VSIG4: variants seen among roughly 807,000 people sequenced by gnomAD.
VSIG4 encodes V-set and immunoglobulin domain containing 4.
A neutral mutation model predicts 23.4 loss-of-function variants in VSIG4; 34 were observed. The observed-to-expected ratio is 1.45, with a 90% CI of 1.10 to 1.93. The LOEUF (loss-of-function observed/expected upper bound fraction) is 1.93. VSIG4 is among the 30% of genes most tolerant of loss of function. The probability of loss-of-function intolerance (pLI) is 0.00; values close to 1 mark genes in which losing one functional copy is unlikely to be tolerated. For missense variants in VSIG4, 433 were observed against 310.8 expected, an observed-to-expected ratio of 1.39 and a Z score of -2.96; for synonymous variants, 169 against 120.3, an observed-to-expected ratio of 1.41 and a Z score of -2.65.
Position 66,033,929 on chromosome X carries a change from C to G in VSIG4, c.56-99G>C, listed in dbSNP as rs190951322. ...AACCTCAAAAGGTTTCTGAGAAATG[C>G]CACTCAACTTTCTTTCTATCACACT... is the stretch of plus-strand genomic sequence containing the variant. On this transcript the variant is annotated intron_variant, in intron 1 of 7. Coordinates refer to ENST00000374737, the MANE Select transcript of VSIG4 (RefSeq NM_007268.3). 6.1e-6 allele frequency: 4 copies of G among 659,363 alleles called. No homozygotes were observed. In the African/African-American group the frequency reaches 6.6e-5, roughly 11 times the overall value. The allele number at this position is 659,363 out of a possible 1,213,427, so 54.3% of individuals were successfully genotyped here. A position where few individuals can be genotyped will look rare whatever the true frequency, so the allele number is the denominator to read the frequency against.
intron 1 of VSIG4, among the ~76,000 whole-genome samples, chrX:66,035,974 C>A (rs1458358216): frequency 8.9e-6 from 1 of 111,969 alleles, no homozygotes; most frequent in Admixed American, 9.5e-5. Context: ...TCACAAAGCT[C>A]AGTCTGGCCT....
chrX:66,039,982 C>T lies in VSIG4; in HGVS notation c.17G>A (p.Gly6Asp), dbSNP rs1190607043. Residue 6 changes from glycine (G) to aspartate (D), a missense_variant, in exon 1 of 8, where the codon GGC (glycine) becomes GAC (aspartate). Transcript: ENST00000374737. ...TGTTAGGTGCCCCAGGAGTAGCAGG[C>T]CCAGTAAGATCCCCATCACAGCCAG... MGILL[G>D]LLLLGHLTVD... The T allele has an allele frequency of 8.3e-7, 1 of 1,211,797 alleles. No individual in the cohort carries two copies.
At chrX:66,033,401 C>T (rs181254982) in intron 2 of VSIG4, 73 bp downstream of exon 2, 1 of 1,001,406 alleles carries the variant, frequency 1.0e-6, no homozygotes, top group East Asian at 3.1e-5. Flanking sequence ...CTGGATTTTT[C>T]AGGCTTTTCT....
In VSIG4 at chrX:66,028,080, C is replaced by T. The variant is rs369934439; in HGVS notation, c.727G>A (p.Ala243Thr). The T allele has an allele frequency of 8.3e-7, 1 of 1,210,844 alleles. No individual in the cohort carries two copies. The highest frequency in any genetic ancestry group is 1.8e-5 in the South Asian group (1 of 56,956). ...AAGGGGTATGTCATGGTTGTAGGTG[C>T]CTCAGTCTTGGTCTTGAGTAGCTTT... is the stretch of plus-strand genomic sequence containing the variant. Reference protein sequence around the residue: ...SSKLLKTKTEAPTTMTYPLKA... With the variant: ...SSKLLKTKTETPTTMTYPLKA... The change falls in exon 4 of 8, where the codon GCA becomes ACA. Residue 243 changes from alanine to threonine, a missense_variant. Transcript: ENST00000374737.
At chrX:66,029,335 C>G (rs2085437891) in intron 3 of VSIG4, among the ~76,000 whole-genome samples, 2 of 110,684 alleles carry the variant, frequency 1.8e-5, no homozygotes, top group Admixed American at 1.9e-4. Context: ...ATTCTGACAA[C>G]AGTGTGGTAG....
At chrX:66,035,469 G>A (rs775898008) in intron 1 of VSIG4, among the ~76,000 whole-genome samples, 2 of 111,829 alleles carry the variant, frequency 1.8e-5, no homozygotes, top group South Asian at 3.7e-4. Context: ...CTTTGTTTGG[G>A]TCTTAGCCTT....
At chrX:66,028,558 C>CTTTTTTTTTTTTTTTTTTTT (rs34660062) in intron 3 of VSIG4, among the ~76,000 whole-genome samples, 1 of 74,254 alleles carries the variant, frequency 1.3e-5, no homozygotes, top group African/African-American at 4.8e-5. Context: ...ACGTAATCAA[C>CTTTTTTTTTTTTTTTTTTTT]TTTTTTTTTT....
intron 3 of VSIG4, among the ~76,000 whole-genome samples, chrX:66,030,050 G>A (rs2085446422): frequency 8.9e-6 from 1 of 111,861 alleles, no homozygotes; most frequent in Admixed American, 9.5e-5. Context: ...AATGAAAAAA[G>A]AGCCAACAAA....
Position 66,032,584 on chromosome X carries a change from A to T in VSIG4, c.578T>A (p.Leu193Gln). The change falls in exon 3 of 8, where the codon CTA becomes CAA. Residue 193 changes from leucine (L) to glutamine (Q), a missense_variant. Coordinates refer to ENST00000374737, the MANE Select transcript of VSIG4 (RefSeq NM_007268.3). ...CGCAGGCTTGAAGAGTAAGGTACTT[A>T]GGGTTGCTACTTTGATGGGTTCCTG... Reference protein sequence around the residue: ...NNQEPIKVATLSTLLFKPAVI... With the variant: ...NNQEPIKVATQSTLLFKPAVI... 8.3e-7 allele frequency: 1 copy of T among 1,211,656 alleles called. No individual in the cohort carries two copies. Among genetic ancestry groups the T allele is most frequent in the Non-Finnish European group, 1.1e-6 (1 of 895,417 alleles).
chrX:66,036,539 T>C (rs903342673), intron 1 of VSIG4, among the ~76,000 whole-genome samples: 7 of 95,558 alleles, frequency 7.3e-5, no homozygotes, highest in Non-Finnish European at 1.2e-4. Context: ...ACTAAACCTA[T>C]CTGAACTTTG....
chrX:66,031,275 A>C (rs2085460526), intron 3 of VSIG4, among the ~76,000 whole-genome samples: 1 of 110,921 alleles, frequency 9.0e-6, no homozygotes, highest in Non-Finnish European at 1.9e-5. Context: ...TGAAGTATAC[A>C]TTCTTGGGCT....
rs146489734 is a variant in VSIG4, at chrX:66,022,135, C to A, written c.*128G>T. ...CCAGGGCAAAGCCAGTGACTCCCAG[C>A]GGCTCCAGTGTTGGTAGGCGGACAC... On this transcript the variant is annotated 3_prime_UTR_variant, in exon 8 of 8. Coordinates refer to ENST00000374737, the MANE Select transcript of VSIG4 (RefSeq NM_007268.3). 2,016 of 1,189,814 alleles carry A rather than the reference C, an allele frequency of 1.7e-3. 27 individuals are homozygous for A. In the African/African-American group the frequency reaches 0.029, roughly 17 times the overall value.
intron 3 of VSIG4, among the ~76,000 whole-genome samples, chrX:66,032,016 G>T (rs1185612948): frequency 8.9e-6 from 1 of 111,875 alleles, no homozygotes; most frequent in African/African-American, 3.3e-5. Flanking sequence ...TCAACCATGA[G>T]AAACAATCAG....
chrX:66,023,642 A>G (rs2085358178), intron 6 of VSIG4, among the ~76,000 whole-genome samples: 1 of 112,244 alleles, frequency 8.9e-6, no homozygotes, highest in Non-Finnish European at 1.9e-5. Context: ...CACCTGTCAC[A>G]CAATAGGTGC....
At chrX:66,022,797 G>A (rs1214095759) in intron 7 of VSIG4, 44 bp downstream of exon 7, 3 of 1,211,026 alleles carry the variant, frequency 2.5e-6, no homozygotes, top group Admixed American at 4.3e-5. Flanking sequence ...TCAAAATTGA[G>A]GGCAGGGACG....
At chrX:66,036,281 G>C (rs940718639) in intron 1 of VSIG4, among the ~76,000 whole-genome samples, 3 of 109,083 alleles carry the variant, frequency 2.8e-5, no homozygotes, top group African/African-American at 6.7e-5. Context: ...CTGGATTATA[G>C]GTACAGGACA....
chrX:66,034,458 T>C (rs1252565542), intron 1 of VSIG4, among the ~76,000 whole-genome samples: 1 of 111,782 alleles, frequency 8.9e-6, no homozygotes, highest in Admixed American at 9.5e-5. Flanking sequence ...TGGAACCAAG[T>C]GTGAGGAAGA....
intron 3 of VSIG4, among the ~76,000 whole-genome samples, chrX:66,028,918 CAA>C (rs1440574216): frequency 1.8e-5 from 2 of 111,342 alleles, no homozygotes; most frequent in African/African-American, 6.5e-5. Flanking sequence ...CTGCCTGAGG[CAA>C]TGGATAATAG....
Position 66,025,052 on chromosome X carries a change from T to G in VSIG4, c.913A>C (p.Met305Leu). ...TGTTGGGATGTCTTCCGACAGAGCA[T>G]GATATAGGCCATGGTAAAAACCACC... ...CMVVFTMAYI[M>L]LCRKTSQQEH... The change falls in exon 6 of 8, where the codon ATG becomes CTG. Residue 305 changes from methionine to leucine, a missense_variant. Physicochemically the swap from Met to Leu is conservative, Grantham distance 15 (BLOSUM62 2). Transcript: ENST00000374737. The G allele has an allele frequency of 8.3e-7, 1 of 1,202,811 alleles. No individual in the cohort carries two copies. Among genetic ancestry groups the G allele is most frequent in the Non-Finnish European group, 1.1e-6 (1 of 891,220 alleles).
Sources: allele counts gnomAD v4.1 joint callset (sites outside exome capture counted in the v4.1 genomes callset), GRCh38; gene constraint gnomAD v4.1.1; transcripts MANE v1.5; gene names NCBI Gene and HGNC (gene_info 2026-07-23, HGNC 2026-07-21).